The following PKN2 variants were observed in gnomAD, a reference collection of about 807,000 sequenced individuals.
PKN2 encodes protein kinase N2.
PKN2 carries 38 observed loss-of-function variants against 119.1 expected under a neutral mutation model. The observed-to-expected ratio is 0.32, with a 90% CI of 0.25 to 0.42. The LOEUF is 0.42. Ranked by LOEUF, PKN2 falls within the 10% of genes least tolerant of loss-of-function variation. The probability of loss-of-function intolerance (pLI) is 1.00; values close to 1 mark genes in which losing one functional copy is unlikely to be tolerated. For missense variants in PKN2, 850 were observed against 1,165.1 expected (o/e 0.73, Z 3.94); for synonymous variants, 390 against 384.9 (o/e 1.01, Z -0.15).
chr1:88,833,316 A>G lies in PKN2; in HGVS notation c.2823A>G (p.Glu941=), dbSNP rs1161927123. 1 of 1,613,482 alleles carries G rather than the reference A, an allele frequency of 6.2e-7. No homozygotes were observed. ...TTATACCTACCATAAGAGGACGAGA[A>G]GATGTTAGTAATTTTGATGATGAAT... The part of the protein sequence containing the change: ...PPFIPTIRGR[E]DVSNFDDEFT... The change falls in exon 22 of 22, where the codon GAA becomes GAG. Residue 941 remains glutamate, a synonymous_variant. Transcript: ENST00000370521.
At chr1:88,687,215 T>A (rs1310710550) in intron 1 of PKN2, among the ~76,000 whole-genome samples, 1 of 152,110 alleles carries the variant, frequency 6.6e-6, no homozygotes, top group Non-Finnish European at 1.5e-5. Flanking sequence ...TGTAATAGCA[T>A]GGAGTAATGT....
intron 8 of PKN2, among the ~76,000 whole-genome samples, chr1:88,791,221 T>C (rs1207266666): frequency 6.6e-6 from 1 of 152,088 alleles, no homozygotes; most frequent in Admixed American, 6.5e-5. Context: ...GCAGATCACT[T>C]GGTCAGGTGT....
At chr1:88,738,347 A>G (rs1668436904) in intron 1 of PKN2, among the ~76,000 whole-genome samples, 1 of 152,252 alleles carries the variant, frequency 6.6e-6, no homozygotes, top group Non-Finnish European at 1.5e-5. Flanking sequence ...GGCTTTGGAC[A>G]GGAAATTGTT....
intron 1 of PKN2, among the ~76,000 whole-genome samples, chr1:88,710,988 G>A (rs1667207280): frequency 6.6e-6 from 1 of 152,140 alleles, no homozygotes; most frequent in African/African-American, 2.4e-5. Context: ...ATGAGATTAT[G>A]TCTTCTGTGG....
chr1:88,816,310 C>T (rs984700348), intron 16 of PKN2, among the ~76,000 whole-genome samples: 1 of 151,918 alleles, frequency 6.6e-6, no homozygotes, highest in African/African-American at 2.4e-5. Context: ...GCAGTGGCAC[C>T]GTCTTGGCTC....
intron 1 of PKN2, among the ~76,000 whole-genome samples, chr1:88,702,000 C>T (rs140958091): frequency 0.011 from 1,658 of 152,164 alleles, 26 homozygotes; most frequent in African/African-American, 0.039. Context: ...ACTCTGTAGC[C>T]CAAGCTGGAA....
intron 18 of PKN2, among the ~76,000 whole-genome samples, chr1:88,825,373 C>G (rs1296479409): frequency 6.6e-6 from 1 of 152,070 alleles, no homozygotes; most frequent in Non-Finnish European, 1.5e-5. Context: ...CTATGGATTC[C>G]AAAGATATAT....
chr1:88,789,434 G>A (rs115898417), intron 8 of PKN2, among the ~76,000 whole-genome samples: 4,670 of 152,000 alleles, frequency 0.031, 230 homozygotes, highest in Admixed American at 0.14. Flanking sequence ...AGGCCGAGGC[G>A]GGCGGATCTC....
chr1:88,726,654 C>A (rs894141809), intron 1 of PKN2, among the ~76,000 whole-genome samples: 1 of 152,088 alleles, frequency 6.6e-6, no homozygotes, highest in Non-Finnish European at 1.5e-5. Context: ...GTCAGGGTAA[C>A]ACCAACCTCA....
At chr1:88,829,571 CAGTG>C (rs1405935987) in intron 19 of PKN2, among the ~76,000 whole-genome samples, 4 of 152,010 alleles carry the variant, frequency 2.6e-5, no homozygotes, top group East Asian at 1.9e-4. Flanking sequence ...TATTAGGAAA[CAGTG>C]AGTTATGTTA....
chr1:88,764,026 T>C (rs1354940501), intron 3 of PKN2, among the ~76,000 whole-genome samples: 2 of 152,176 alleles, frequency 1.3e-5, no homozygotes, highest in East Asian at 1.9e-4. Flanking sequence ...CCTTTTTAAA[T>C]TTTTCAGATA....
intron 16 of PKN2, among the ~76,000 whole-genome samples, chr1:88,816,013 G>A (rs532164521): frequency 2.6e-5 from 4 of 151,830 alleles, no homozygotes; most frequent in South Asian, 2.1e-4. Flanking sequence ...GGTGGCAGGC[G>A]CCTGTAATCC....
At chr1:88,761,488 A>G (rs1188044393) in intron 3 of PKN2, among the ~76,000 whole-genome samples, 6 of 151,798 alleles carry the variant, frequency 4.0e-5, no homozygotes, top group Non-Finnish European at 8.8e-5. Context: ...CCCAAATGAA[A>G]TTTGAGACTA....
At chr1:88,763,860 G>T (rs944469540) in intron 3 of PKN2, among the ~76,000 whole-genome samples, 9 of 152,196 alleles carry the variant, frequency 5.9e-5, no homozygotes, top group Non-Finnish European at 1.2e-4. Flanking sequence ...ATGAATTATG[G>T]TGCCCTTTAT....
intron 1 of PKN2, among the ~76,000 whole-genome samples, chr1:88,694,671 A>T (rs1448373627): frequency 6.6e-6 from 1 of 152,274 alleles, no homozygotes; most frequent in South Asian, 2.1e-4. Context: ...TTAGATTTGT[A>T]AGAAACTCCC....
At chr1:88,766,361 A>G (rs551860747) in intron 3 of PKN2, among the ~76,000 whole-genome samples, 2 of 152,346 alleles carry the variant, frequency 1.3e-5, no homozygotes, top group South Asian at 2.1e-4. Flanking sequence ...ACTAATAAGA[A>G]CAATGATTGG....
chr1:88,758,743 GGT>G (rs555677535), intron 2 of PKN2, among the ~76,000 whole-genome samples: 6 of 151,214 alleles, frequency 4.0e-5, no homozygotes, highest in Admixed American at 6.6e-5. Context: ...AATATTCCAT[GGT>G]GTGTGTGTGT....
chr1:88,739,494 T>C (rs1668491909), intron 1 of PKN2, among the ~76,000 whole-genome samples: 1 of 152,192 alleles, frequency 6.6e-6, no homozygotes, highest in South Asian at 2.1e-4. Context: ...AGTACTTGCA[T>C]CAACTTATTT....
chr1:88,698,922 T>C (rs1035853635), intron 1 of PKN2, among the ~76,000 whole-genome samples: 1 of 152,202 alleles, frequency 6.6e-6, no homozygotes, highest in African/African-American at 2.4e-5. Flanking sequence ...GACTATGTTT[T>C]GATTTGTAGA....
Sources: gnomAD v4.1 joint callset for allele counts (sites outside exome capture counted in the v4.1 genomes callset) on GRCh38, gnomAD v4.1.1 for gene constraint, MANE v1.5 for transcripts, NCBI Gene and HGNC (gene_info 2026-07-23, HGNC 2026-07-21) for gene names.